The following WASHC2C variants were observed in gnomAD, a reference collection of about 807,000 sequenced individuals.
The protein encoded by WASHC2C is Vaccinia Penetration Factor.
Under a neutral mutation model 142.2 loss-of-function variants are expected in WASHC2C, and 73 were observed. The ratio of observed to expected loss-of-function variants is 0.51; its 90% CI spans 0.43 to 0.62. WASHC2C has a LOEUF of 0.62. WASHC2C is among the 20% of genes least tolerant of loss of function. The probability of loss-of-function intolerance (pLI) is 0.00; values close to 1 mark genes in which losing one functional copy is unlikely to be tolerated. For missense variants in WASHC2C, 969 were observed against 1,531.7 expected, an observed-to-expected ratio of 0.63 and a Z score of 6.13; for synonymous variants, 337 against 565.5, an observed-to-expected ratio of 0.60 and a Z score of 5.73.
chr10:45,784,299 T>C (rs1171187209), intron 23 of WASHC2C, among the ~76,000 whole-genome samples: 10 of 73,978 alleles, frequency 1.4e-4, no homozygotes, highest in African/African-American at 2.7e-4. Context: ...TACACATATA[T>C]ATATATATAT....
At chr10:45,772,971 G>T (rs537134164) in intron 20 of WASHC2C, among the ~76,000 whole-genome samples, 4 of 150,824 alleles carry the variant, frequency 2.7e-5, no homozygotes, top group Admixed American at 6.6e-5. Flanking sequence ...CTCAGGCATC[G>T]TGTGCCTTGC....
At chr10:45,779,349 C>T (rs1170483200) in intron 23 of WASHC2C, among the ~76,000 whole-genome samples, 2 of 146,564 alleles carry the variant, frequency 1.4e-5, no homozygotes, top group Admixed American at 6.8e-5. Context: ...ATTTCACCCC[C>T]CTCTTCTGGG....
chr10:45,764,677 A>G (rs1476027444), intron 18 of WASHC2C, among the ~76,000 whole-genome samples: 1 of 152,190 alleles, frequency 6.6e-6, no homozygotes, highest in Non-Finnish European at 1.5e-5. Context: ...TTCATATCCC[A>G]GCTCCACCAC....
intron 2 of WASHC2C, among the ~76,000 whole-genome samples, chr10:45,728,252 A>C (rs1458382225): frequency 6.6e-6 from 1 of 151,776 alleles, no homozygotes; most frequent in Admixed American, 6.6e-5. Context: ...CTGGTCTGCA[A>C]CTCCTGGACT....
rs532502982 is a variant in WASHC2C, at chr10:45,787,384, G to A, written c.3087+137G>A. The A allele has an allele frequency of 2.0e-3, 3,015 of 1,521,856 alleles. 11 individuals carry two copies. The highest frequency in any genetic ancestry group is 2.4e-3 in the Non-Finnish European group (2,713 of 1,119,178). The allele number at this position is 1,521,856 out of a possible 1,614,324, so 94.3% of individuals were successfully genotyped here. The stretch of plus-strand genomic sequence containing the variant: ...GAGGTGCCTCATCCTTCCTTCAGCC[G>A]CTCCCCCCTCCATTCTCCCCACCCC... On this transcript the variant is annotated intron_variant, in intron 28 of 30. Coordinates refer to ENST00000623400, the MANE Select transcript of WASHC2C (RefSeq NM_001330074.2).
intron 28 of WASHC2C, 50 bp downstream of exon 28, chr10:45,787,297 G>A (rs1402760955): frequency 3.7e-6 from 3 of 808,704 alleles, no homozygotes; most frequent in Non-Finnish European, 6.2e-6. Context: ...ACCAGAACAT[G>A]CATATGCTTC....
Position 45,764,134 on chromosome 10 carries a change from A to G in WASHC2C, c.1737+645A>G, listed in dbSNP as rs565921912. On this transcript the variant is annotated intron_variant, in intron 18 of 30. Coordinates refer to ENST00000623400, the MANE Select transcript of WASHC2C (RefSeq NM_001330074.2). ...ACATTGCAGTGAAAAATCCATATAT[A>G]ACTTCTTACTTCCCAAAAACTTATC... Among the ~76,000 whole-genome samples the G allele has an allele frequency of 2.0e-5, 3 of 149,926 alleles. No individual in the cohort carries two copies. In the South Asian group the frequency reaches 6.5e-4, roughly 32 times the overall value.
chr10:45,761,863 A>T (rs1554880120), intron 17 of WASHC2C, among the ~76,000 whole-genome samples: 1 of 152,168 alleles, frequency 6.6e-6, no homozygotes, highest in Admixed American at 6.5e-5. Context: ...GGGGCACGGG[A>T]TGCCTGGAAT....
chr10:45,761,789 T>TG (rs1424011545), intron 17 of WASHC2C, among the ~76,000 whole-genome samples: 2 of 152,232 alleles, frequency 1.3e-5, no homozygotes, highest in Non-Finnish European at 2.9e-5. Flanking sequence ...TTCTTTGCTT[T>TG]GGTTTACTTT....
At chr10:45,752,331 G>T (rs1172307366) in intron 11 of WASHC2C, among the ~76,000 whole-genome samples, 2 of 152,298 alleles carry the variant, frequency 1.3e-5, no homozygotes, top group African/African-American at 4.8e-5. Flanking sequence ...TAGATCCAGG[G>T]TGCTGGCCTA....
At chr10:45,768,597 G>T (rs1189011447) in intron 19 of WASHC2C, among the ~76,000 whole-genome samples, 3 of 152,118 alleles carry the variant, frequency 2.0e-5, no homozygotes, top group Non-Finnish European at 2.9e-5. Flanking sequence ...GATTTGAAGG[G>T]GTGTGAGCAT....
intron 28 of WASHC2C, 23 bp from the exon 29 acceptor site, chr10:45,788,848 T>C (rs2058233782): frequency 4.3e-6 from 7 of 1,611,948 alleles, no homozygotes; most frequent in African/African-American, 1.3e-5. Flanking sequence ...GTCAGATCAA[T>C]GTATGTTTTT....
chr10:45,785,447 T>C, intron 25 of WASHC2C, 62 bp from the exon 26 acceptor site: 1 of 1,599,626 alleles, frequency 6.3e-7, no homozygotes, highest in Non-Finnish European at 8.5e-7. Context: ...TTTTGCATTA[T>C]GATTTTTCCT....
chr10:45,751,787 C>T (rs1300372591), intron 11 of WASHC2C, among the ~76,000 whole-genome samples: 1 of 152,018 alleles, frequency 6.6e-6, no homozygotes, highest in Non-Finnish European at 1.5e-5. Flanking sequence ...ACCAGCCTGG[C>T]CAACATAGTG....
Position 45,751,489 on chromosome 10 carries a change from C to G in WASHC2C, c.939C>G (p.Pro313=). The part of the protein sequence containing the change: ...GRVDEEPTTL[P]SGEAKPRKTL... The stretch of plus-strand genomic sequence containing the variant: ...TGTGAACTGTTCTTCAAGCCTTACC[C>G]TCAGGAGAAGCAAAACCTCGGAAGA... Residue 313 remains proline (P), a synonymous_variant, in exon 11 of 31, where the codon CCC becomes CCG. Coordinates refer to ENST00000623400, the MANE Select transcript of WASHC2C (RefSeq NM_001330074.2). 6.7e-7 allele frequency: 1 copy of G among 1,487,202 alleles called. No individual in the cohort carries two copies. Among genetic ancestry groups the G allele is most frequent in the East Asian group, 2.4e-5 (1 of 42,316 alleles). The allele number at this position is 1,487,202 out of a possible 1,614,324, so 92.1% of individuals were successfully genotyped here.
rs563435059 is a variant in WASHC2C, at chr10:45,750,823, G to A, written c.916G>A (p.Asp306Asn). The A allele has an allele frequency of 1.3e-5, 20 of 1,548,462 alleles. No homozygotes were observed. Among genetic ancestry groups the A allele is most frequent in the South Asian group, 1.1e-4 (9 of 83,900 alleles). The change falls in exon 10 of 31, where the codon GAC becomes AAC. Residue 306 changes from aspartate to asparagine, a missense_variant. Physicochemically the swap from Asp to Asn is conservative, Grantham distance 23. Coordinates refer to ENST00000623400, the MANE Select transcript of WASHC2C (RefSeq NM_001330074.2). ...RIKGDAMGRV[D>N]EEPTTLPSGE... ...CAAGGGGGATGCCATGGGTCGAGTG[G>A]ACGAGGAGCCGACAAGTGAGCCCCA...
In WASHC2C at chr10:45,757,937, T is replaced by C. The variant is rs538725805; in HGVS notation, c.1548+798T>C. On this transcript the variant is annotated intron_variant, in intron 16 of 30. Transcript: ENST00000623400. Reference sequence around the variant, plus strand: ...CAGCCCAGGGTTGGGGACCCCTGCTTTATAGTATTTTTTTATGTTTTGATT... The same window carrying C: ...CAGCCCAGGGTTGGGGACCCCTGCTCTATAGTATTTTTTTATGTTTTGATT... Among the ~76,000 whole-genome samples, 3 of 152,368 alleles carry C rather than the reference T, an allele frequency of 2.0e-5. No individual in the cohort carries two copies. The East Asian group carries it at 5.8e-4, about 29-fold the overall frequency.
chr10:45,727,292 G>C lies in WASHC2C; in HGVS notation c.-26G>C. 1.3e-6 allele frequency: 2 copies of C among 1,559,484 alleles called. No individual in the cohort carries two copies. The highest frequency in any genetic ancestry group is 1.7e-6 in the Non-Finnish European group (2 of 1,153,442). On this transcript the variant is annotated 5_prime_UTR_variant, in exon 1 of 31. Coordinates refer to ENST00000623400, the MANE Select transcript of WASHC2C (RefSeq NM_001330074.2). ...GTCCTCGGCCTGTGCTGGCAGCCTCGGAGCCCACCGAGCCGGGCGGCTGGG... is the reference window on the plus strand; with the variant it reads ...GTCCTCGGCCTGTGCTGGCAGCCTCCGAGCCCACCGAGCCGGGCGGCTGGG...
intron 18 of WASHC2C, among the ~76,000 whole-genome samples, chr10:45,763,802 G>T (rs1260551518): frequency 3.6e-4 from 54 of 151,630 alleles, no homozygotes; most frequent in Admixed American, 3.6e-3. Context: ...ACCGGGTTCA[G>T]GTGATTCTCC....
Sources: allele counts gnomAD v4.1 joint callset (sites outside exome capture counted in the v4.1 genomes callset), GRCh38; gene constraint gnomAD v4.1.1; transcripts MANE v1.5; gene names NCBI Gene and HGNC (gene_info 2026-07-23, HGNC 2026-07-21).